The following PDE11A variants were observed in gnomAD, a reference collection of about 807,000 sequenced individuals.
PDE11A encodes dual 3',5'-cyclic-AMP and -GMP phosphodiesterase 11A.
Under a neutral mutation model 100.5 loss-of-function variants are expected in PDE11A, and 100 were observed. The ratio of observed to expected loss-of-function variants is 1.00; its 90% confidence interval spans 0.85 to 1.18. The LOEUF (loss-of-function observed/expected upper bound fraction) is 1.18, where lower values mean the gene tolerates loss of function less well. Ranked by LOEUF, PDE11A falls within the 50% of genes most tolerant of loss-of-function variation. The pLI, the probability that PDE11A is intolerant of heterozygous loss-of-function variation, is 0.00. For missense variants in PDE11A, 1,141 were observed against 1,152.6 expected (o/e 0.99, Z 0.15); for synonymous variants, 381 against 420.8 (o/e 0.91, Z 1.16).
chr2:177,930,309 G>A (rs1047985463), intron 2 of PDE11A, among the ~76,000 whole-genome samples: 2 of 152,160 alleles, frequency 1.3e-5, no homozygotes, highest in African/African-American at 4.8e-5. Context: ...GAAAAGGCCT[G>A]TAGCCAAGCA....
chr2:177,742,371 C>T (rs1458883617), intron 10 of PDE11A, among the ~76,000 whole-genome samples: 53 of 152,182 alleles, frequency 3.5e-4, no homozygotes, highest in Admixed American at 3.5e-3. Flanking sequence ...CTCTAATCCT[C>T]TCTATTGCCC....
chr2:177,629,641 TGAG>T, intron 19 of PDE11A, 79 bp from the exon 20 acceptor site: 1 of 1,421,084 alleles, frequency 7.0e-7, no homozygotes, highest in Non-Finnish European at 9.9e-7. Flanking sequence ...CTTTCACTTA[TGAG>T]GAGAATGGAA....
At chr2:177,850,133 T>A (rs2083674484) in intron 5 of PDE11A, among the ~76,000 whole-genome samples, 1 of 152,116 alleles carries the variant, frequency 6.6e-6, no homozygotes, top group South Asian at 2.1e-4. Flanking sequence ...GACTTCAAAC[T>A]TTACTACAAG....
chr2:177,735,549 C>T (rs2081767005), intron 10 of PDE11A, among the ~76,000 whole-genome samples: 1 of 152,180 alleles, frequency 6.6e-6, no homozygotes, highest in African/African-American at 2.4e-5. Context: ...AATAAGGAAA[C>T]ATGGCGGAGA....
chr2:177,967,926 T>C (rs1207004966), intron 2 of PDE11A, among the ~76,000 whole-genome samples: 1 of 152,194 alleles, frequency 6.6e-6, no homozygotes, highest in East Asian at 1.9e-4. Context: ...ATTGAATAAA[T>C]GAATGAATAA....
intron 6 of PDE11A, among the ~76,000 whole-genome samples, chr2:177,821,378 T>C (rs2083135518): frequency 6.6e-6 from 1 of 151,594 alleles, no homozygotes; most frequent in African/African-American, 2.4e-5. Context: ...TCTATGCAAC[T>C]ACCACCAAGA....
chr2:177,631,574 TATATATATATACACACAC>T (rs2079943208), intron 19 of PDE11A, among the ~76,000 whole-genome samples: 4 of 23,228 alleles, frequency 1.7e-4, no homozygotes, highest in Non-Finnish European at 2.5e-4. Flanking sequence ...TATATACATG[TATATATATATACACACAC>T]ATATATATGT....
intron 9 of PDE11A, among the ~76,000 whole-genome samples, chr2:177,816,453 G>A (rs562859200): frequency 8.1e-4 from 100 of 123,132 alleles, no homozygotes; most frequent in Non-Finnish European, 1.3e-3. Flanking sequence ...TATCCTTGTA[G>A]TGAATTCTTC....
chr2:177,972,652 A>G lies in PDE11A; in HGVS notation c.1071+41650T>C, dbSNP rs868216220. Among the ~76,000 whole-genome samples the G allele has an allele frequency of 3.9e-5, 6 of 152,288 alleles. No homozygotes were observed. In the South Asian group the frequency reaches 6.2e-4, roughly 16 times the overall value. ...GAAAAAGCTGAAAGAAAAAAAAGCT[A>G]TAAAGAAGATGGGTGGGCAAAGGGT... On this transcript the variant is annotated intron_variant, in intron 2 of 19. Transcript: ENST00000286063.
At chr2:177,931,115 C>A (rs1377320535) in intron 2 of PDE11A, among the ~76,000 whole-genome samples, 1 of 152,114 alleles carries the variant, frequency 6.6e-6, no homozygotes, top group Non-Finnish European at 1.5e-5. Flanking sequence ...AAGATTGCGC[C>A]ATTGCACTCC....
chr2:177,924,728 C>CT (rs71410770), intron 2 of PDE11A, among the ~76,000 whole-genome samples: 14,222 of 143,322 alleles, frequency 0.099, 652 homozygotes, highest in African/African-American at 0.13. Context: ...GTTAAGCTTT[C>CT]TTTTTTTTTT....
chr2:177,864,959 C>T (rs2084003549), intron 5 of PDE11A, among the ~76,000 whole-genome samples: 1 of 152,078 alleles, frequency 6.6e-6, no homozygotes, highest in Non-Finnish European at 1.5e-5. Context: ...GAATAGCACC[C>T]TAATTGCAAA....
chr2:178,022,985 T>C (rs1285832644), intron 1 of PDE11A, among the ~76,000 whole-genome samples: 1 of 152,268 alleles, frequency 6.6e-6, no homozygotes, highest in Non-Finnish European at 1.5e-5. Context: ...TTTATGCAGA[T>C]CTGTCTTTTG....
At chr2:177,842,369 T>C (rs1284159823) in intron 5 of PDE11A, among the ~76,000 whole-genome samples, 2 of 151,974 alleles carry the variant, frequency 1.3e-5, no homozygotes, top group Admixed American at 6.6e-5. Flanking sequence ...CAAGGAGAGA[T>C]TGGAGGAGTT....
chr2:177,682,299 T>C lies in PDE11A; in HGVS notation c.2346-1396A>G, dbSNP rs565819920. Among the ~76,000 whole-genome samples the C allele has an allele frequency of 6.6e-5, 10 of 152,334 alleles. No individual in the cohort carries two copies. The East Asian group carries it at 1.2e-3, about 18-fold the overall frequency. On this transcript the variant is annotated intron_variant, in intron 15 of 19. Coordinates refer to ENST00000286063, the MANE Select transcript of PDE11A (RefSeq NM_016953.4). ...AACCAGTACATCATACATGTATTGATTGATGTCTTATGTCTCCCTAAAACA... is the reference window on the plus strand; with the variant it reads ...AACCAGTACATCATACATGTATTGACTGATGTCTTATGTCTCCCTAAAACA...
At chr2:177,746,364 G>A (rs969339411) in intron 10 of PDE11A, among the ~76,000 whole-genome samples, 33 of 151,990 alleles carry the variant, frequency 2.2e-4, no homozygotes, top group Admixed American at 2.0e-3. Context: ...GGAGGAAACG[G>A]AACAAACACC....
intron 5 of PDE11A, among the ~76,000 whole-genome samples, chr2:177,864,082 G>C (rs1029196016): frequency 1.3e-5 from 2 of 152,018 alleles, no homozygotes; most frequent in East Asian, 3.8e-4. Flanking sequence ...CATTACACTA[G>C]GTGCTACAGG....
intron 9 of PDE11A, among the ~76,000 whole-genome samples, chr2:177,808,132 T>C (rs767331968): frequency 6.6e-6 from 1 of 152,194 alleles, no homozygotes; most frequent in Non-Finnish European, 1.5e-5. Context: ...TTGATGTCAA[T>C]AGTGGAGAAT....
At chr2:178,056,460 C>G (rs2086900672) in intron 1 of PDE11A, among the ~76,000 whole-genome samples, 1 of 152,116 alleles carries the variant, frequency 6.6e-6, no homozygotes, top group African/African-American at 2.4e-5. Context: ...TAATAAAAGC[C>G]TGGATATTGC....
Sources: allele counts gnomAD v4.1 joint callset (sites outside exome capture counted in the v4.1 genomes callset), GRCh38; gene constraint gnomAD v4.1.1; transcripts MANE v1.5; gene names NCBI Gene and HGNC (gene_info 2026-07-23, HGNC 2026-07-21).